Variants in DNER observed in about 807,000 individuals in gnomAD.
DNER encodes the protein delta/notch like EGF repeat containing, also known as delta and Notch-like epidermal growth factor-related receptor.
In DNER, 33 loss-of-function variants were observed where a neutral mutation model predicts 78.2. The ratio of observed to expected loss-of-function variants is 0.42; its 90% CI spans 0.32 to 0.56. DNER has a LOEUF of 0.56. DNER is among the 20% of genes least tolerant of loss of function. The pLI is 0.11. For synonymous variants in DNER, 417 were observed against 384.8 expected (o/e 1.08, Z -0.98); for missense variants, 918 against 975.3 (o/e 0.94, Z 0.78).
At chr2:229,512,726 G>C (rs934817561) in intron 6 of DNER, 57 bp downstream of exon 6, 2 of 1,569,896 alleles carry the variant, frequency 1.3e-6, no homozygotes, top group Non-Finnish European at 1.7e-6. Flanking sequence ...TAAAAAACAA[G>C]AGGTGCATGC....
chr2:229,547,870 A>G (rs146857611), intron 4 of DNER, among the ~76,000 whole-genome samples: 34 of 152,368 alleles, frequency 2.2e-4, no homozygotes, highest in African/African-American at 8.2e-4. Context: ...TGATGAATAA[A>G]TATAGCCTCT....
intron 1 of DNER, among the ~76,000 whole-genome samples, chr2:229,596,936 T>C (rs571267709): frequency 1.3e-5 from 2 of 152,026 alleles, no homozygotes; most frequent in South Asian, 4.2e-4. Context: ...CACACGCACA[T>C]GCACATGCAT....
At chr2:229,496,478 A>T (rs1261048967) in intron 6 of DNER, among the ~76,000 whole-genome samples, 2 of 152,186 alleles carry the variant, frequency 1.3e-5, no homozygotes, top group Non-Finnish European at 2.9e-5. Flanking sequence ...TTGAATGTAC[A>T]TGGATTAATT....
chr2:229,594,017 C>T (rs1327925812), intron 1 of DNER, among the ~76,000 whole-genome samples: 1 of 152,248 alleles, frequency 6.6e-6, no homozygotes, highest in Non-Finnish European at 1.5e-5. Flanking sequence ...GGCCTCACAG[C>T]TTCAGCTCCA....
chr2:229,539,048 C>A (rs56390929), intron 5 of DNER, among the ~76,000 whole-genome samples: 240 of 152,290 alleles, frequency 1.6e-3, no homozygotes, highest in African/African-American at 5.5e-3. Flanking sequence ...TACAAAGTAA[C>A]TGTATGTTCT....
intron 1 of DNER, among the ~76,000 whole-genome samples, chr2:229,686,847 C>A (rs1699491385): frequency 6.6e-6 from 1 of 152,200 alleles, no homozygotes. Context: ...GAAGAGGAGT[C>A]TTTTGTGGAC....
rs1185940304 is a variant in DNER, at chr2:229,547,046, T to C, written c.894A>G (p.Leu298=). 1.9e-6 allele frequency: 3 copies of C among 1,614,046 alleles called. No individual in the cohort carries two copies. In the African/African-American group the frequency reaches 4.0e-5, roughly 22 times the overall value. The change falls in exon 5 of 13, where the codon TTA becomes TTG. Residue 298 remains leucine (L), a synonymous_variant. Transcript: ENST00000341772. The stretch of plus-strand genomic sequence containing the variant: ...AGGTGCTGACCTTCACCACCAGAGT[T>C]AAGCGCAAAGCCACAATAGACTTAG... ...SVTKSIVALR[L]TLVVKVSTCV... is the part of the protein sequence containing the mutation.
rs757561835 is a variant in DNER, at chr2:229,547,016, C to T, written c.924G>A (p.Val308=). The change falls in exon 5 of 13, where the codon GTG becomes GTA. Residue 308 remains valine (V), a synonymous_variant. Transcript: ENST00000341772. ...AGTCATTTGCGTGACTCTCCCCCGG[C>T]ACACAGGTGCTGACCTTCACCACCA... ...LTLVVKVSTC[V]PGESHANDLE... is the part of the protein sequence containing the mutation. 5 of 1,614,204 alleles carry T rather than the reference C, an allele frequency of 3.1e-6. No individual in the cohort carries two copies. In the Admixed American group the frequency reaches 8.3e-5, roughly 27 times the overall value.
Position 229,714,440 on chromosome 2 carries a change from G to A in DNER, c.-17C>T. 8.9e-7 allele frequency: 1 copy of A among 1,122,404 alleles called. No individual in the cohort carries two copies. Among genetic ancestry groups the A allele is most frequent in the Non-Finnish European group, 1.1e-6 (1 of 920,996 alleles). The allele number at this position is 1,122,404 out of a possible 1,614,324, so 69.5% of individuals were successfully genotyped here. A position where few individuals can be genotyped will look rare whatever the true frequency, so the allele number is the denominator to read the frequency against. Reference sequence around the variant, plus strand: ...GGGCTGCATGGCCGGCCGGGAGGGCGCGGGAGCCGGAGCCAGGACGCAGTG... The same window carrying A: ...GGGCTGCATGGCCGGCCGGGAGGGCACGGGAGCCGGAGCCAGGACGCAGTG... On this transcript the variant is annotated 5_prime_UTR_variant, in exon 1 of 13. Transcript: ENST00000341772.
intron 7 of DNER, among the ~76,000 whole-genome samples, chr2:229,474,067 G>T (rs137941871): frequency 6.6e-6 from 1 of 152,036 alleles, no homozygotes; most frequent in Non-Finnish European, 1.5e-5. Flanking sequence ...CACCACACCC[G>T]GCTAAATTTT....
At chr2:229,462,181 A>T (rs1334277647) in intron 7 of DNER, among the ~76,000 whole-genome samples, 1 of 152,124 alleles carries the variant, frequency 6.6e-6, no homozygotes, top group Non-Finnish European at 1.5e-5. Context: ...TACACCCATT[A>T]TGGAATCAGA....
intron 4 of DNER, among the ~76,000 whole-genome samples, chr2:229,571,801 C>A (rs1172643050): frequency 2.6e-5 from 4 of 152,124 alleles, no homozygotes; most frequent in Non-Finnish European, 4.4e-5. Flanking sequence ...ACTTCCCTCA[C>A]ACACAAGCAC....
intron 5 of DNER, among the ~76,000 whole-genome samples, chr2:229,515,948 A>G (rs1232879528): frequency 6.6e-6 from 1 of 152,092 alleles, no homozygotes; most frequent in African/African-American, 2.4e-5. Context: ...AGCCTCTTCA[A>G]GTTAGCTTTG....
chr2:229,656,018 CCT>C (rs1698905446), intron 1 of DNER, among the ~76,000 whole-genome samples: 1 of 152,036 alleles, frequency 6.6e-6, no homozygotes, highest in South Asian at 2.1e-4. Context: ...CTGGAGGAAG[CCT>C]GGCCCCACCC....
intron 10 of DNER, among the ~76,000 whole-genome samples, chr2:229,394,690 G>C (rs1447122133): frequency 6.6e-6 from 1 of 152,222 alleles, no homozygotes; most frequent in Non-Finnish European, 1.5e-5. Flanking sequence ...AGTAAGGAAG[G>C]ATGGCGAGCA....
intron 1 of DNER, among the ~76,000 whole-genome samples, chr2:229,673,553 T>C (rs1440719664): frequency 2.0e-5 from 3 of 152,180 alleles, no homozygotes; most frequent in Non-Finnish European, 4.4e-5. Context: ...GTGTCAACAG[T>C]CCCCAGATAC....
chr2:229,521,040 G>A (rs1376463308), intron 5 of DNER, among the ~76,000 whole-genome samples: 1 of 152,204 alleles, frequency 6.6e-6, no homozygotes, highest in Non-Finnish European at 1.5e-5. Flanking sequence ...CCCCAGCCTT[G>A]GCGGAAGCAG....
chr2:229,606,835 G>A (rs1367789136), intron 1 of DNER, among the ~76,000 whole-genome samples: 1 of 152,146 alleles, frequency 6.6e-6, no homozygotes, highest in African/African-American at 2.4e-5. Flanking sequence ...GGAGGTTGCG[G>A]TGAGCTGAGA....
At chr2:229,405,734 A>G (rs1193364192) in intron 10 of DNER, among the ~76,000 whole-genome samples, 1 of 152,204 alleles carries the variant, frequency 6.6e-6, no homozygotes, top group African/African-American at 2.4e-5. Flanking sequence ...ACAGACCTTC[A>G]GGAAAATTTC....
Sources: allele counts gnomAD v4.1 joint callset (sites outside exome capture counted in the v4.1 genomes callset), GRCh38; gene constraint gnomAD v4.1.1; transcripts MANE v1.5; gene names NCBI Gene and HGNC (gene_info 2026-07-23, HGNC 2026-07-21).